The following ARHGEF28 variants were observed in gnomAD, a reference collection of about 807,000 sequenced individuals.
The protein encoded by ARHGEF28 is Rho guanine nucleotide exchange factor 28, also known as 190 kDa guanine nucleotide exchange factor.
Under a neutral mutation model 206.6 loss-of-function variants are expected in ARHGEF28, and 152 were observed. That is an observed-to-expected ratio of 0.74 (90% confidence interval 0.64 to 0.84). ARHGEF28 has a LOEUF of 0.84. ARHGEF28 is among the 40% of genes least tolerant of loss of function. ARHGEF28 has a pLI of 0.00. For missense variants in ARHGEF28, 2,028 were observed against 2,073.2 expected, an observed-to-expected ratio of 0.98 and a Z score of 0.42; for synonymous variants, 763 against 776.4, an observed-to-expected ratio of 0.98 and a Z score of 0.29.
At chr5:73,832,601 G>T (rs1355256583) in intron 10 of ARHGEF28, 142 bp downstream of exon 10, 4 of 1,195,236 alleles carry the variant, frequency 3.3e-6, no homozygotes, top group Admixed American at 2.6e-5. Context: ...GGGTCTCATT[G>T]TATGAGCATT....
At chr5:73,862,516 A>G (rs1452935582) in intron 16 of ARHGEF28, among the ~76,000 whole-genome samples, 1 of 152,088 alleles carries the variant, frequency 6.6e-6, no homozygotes, top group Non-Finnish European at 1.5e-5. Flanking sequence ...CTTTTCCTTG[A>G]TGTCTAGTTT....
At chr5:73,642,815 T>C (rs753033243) in intron 1 of ARHGEF28, among the ~76,000 whole-genome samples, 5 of 152,192 alleles carry the variant, frequency 3.3e-5, no homozygotes, top group Admixed American at 6.5e-5. Context: ...ACTATCATCA[T>C]GCTCTAATAT....
chr5:73,908,384 G>A lies in ARHGEF28; in HGVS notation c.4162-1028G>A, dbSNP rs534544676. On this transcript the variant is annotated intron_variant, in intron 33 of 35. Transcript: ENST00000513042. Reference sequence around the variant, plus strand: ...TATGGACAGTTTAAAAAATTCTTAGGAAGGAAAAATGTGAATTTATCCCTA... The same window carrying A: ...TATGGACAGTTTAAAAAATTCTTAGAAAGGAAAAATGTGAATTTATCCCTA... The A allele has an allele frequency of 1.1e-4, 17 of 152,206 alleles. No homozygotes were observed. In the East Asian group the frequency reaches 2.9e-3, roughly 26 times the overall value. 9.4% of individuals were successfully genotyped at this position (152,206 alleles called of 1,614,324 possible). A position where few individuals can be genotyped will look rare whatever the true frequency, so the allele number is the denominator to read the frequency against.
intron 1 of ARHGEF28, among the ~76,000 whole-genome samples, chr5:73,664,088 TG>T (rs1223642745): frequency 6.6e-6 from 1 of 152,236 alleles, no homozygotes; most frequent in Admixed American, 6.5e-5. Context: ...TGTCTTTTCC[TG>T]AACTCTCACA....
Position 73,940,859 on chromosome 5 carries a change from A to G in ARHGEF28, c.4964A>G (p.His1655Arg). 6.6e-7 allele frequency: 1 copy of G among 1,519,044 alleles called. No homozygotes were observed. Among genetic ancestry groups the G allele is most frequent in the Non-Finnish European group, 8.8e-7 (1 of 1,141,432 alleles). The allele number at this position is 1,519,044 out of a possible 1,614,324, so 94.1% of individuals were successfully genotyped here. Residue 1655 changes from histidine (H) to arginine (R), a missense_variant, in exon 36 of 36, where the codon CAC becomes CGC. By Grantham distance (29) the His-to-Arg change is conservative. Around this residue, in one of 3 missense-constraint regions of ARHGEF28, gnomAD observed 803 missense variants for 768.0 expected, o/e 1.05. Transcript: ENST00000513042. ...TTTCTTGCAGATTTGGACACCTCCCACACTGAGTCCCCAACCCCCCATGAC... is the reference window on the plus strand; with the variant it reads ...TTTCTTGCAGATTTGGACACCTCCCGCACTGAGTCCCCAACCCCCCATGAC... ...DSCKNDLDTSHTESPTPHDSN... is the reference protein window; with the variant it reads ...DSCKNDLDTSRTESPTPHDSN...
At chr5:73,781,583 A>G (rs977129436) in intron 7 of ARHGEF28, among the ~76,000 whole-genome samples, 4 of 152,196 alleles carry the variant, frequency 2.6e-5, no homozygotes, top group Admixed American at 2.6e-4. Flanking sequence ...GGTAATAAAC[A>G]GAAGTTTTCA....
chr5:73,678,942 G>A (rs1418207043), intron 1 of ARHGEF28, among the ~76,000 whole-genome samples: 1 of 152,198 alleles, frequency 6.6e-6, no homozygotes, highest in Non-Finnish European at 1.5e-5. Context: ...GGGCAGTGGT[G>A]CAGTGGCACG....
At chr5:73,895,696 G>A (rs918829006) in intron 29 of ARHGEF28, among the ~76,000 whole-genome samples, 6 of 152,098 alleles carry the variant, frequency 3.9e-5, no homozygotes, top group Non-Finnish European at 7.4e-5. Context: ...TAGTTTTACC[G>A]GAACTTAGCC....
intron 35 of ARHGEF28, among the ~76,000 whole-genome samples, chr5:73,926,221 T>G (rs746633107): frequency 6.6e-6 from 1 of 152,212 alleles, no homozygotes; most frequent in Non-Finnish European, 1.5e-5. Context: ...AAAAAATGAA[T>G]GCTCTGTCCA....
At chr5:73,671,814 G>C (rs1746364689) in intron 1 of ARHGEF28, among the ~76,000 whole-genome samples, 1 of 101,886 alleles carries the variant, frequency 9.8e-6, no homozygotes. Flanking sequence ...GGAGTGCAGT[G>C]GCGCGATCTC....
chr5:73,639,255 C>T (rs1178525295), intron 1 of ARHGEF28, among the ~76,000 whole-genome samples: 1 of 147,172 alleles, frequency 6.8e-6, no homozygotes, highest in East Asian at 1.9e-4. Flanking sequence ...AATATATATA[C>T]ATCCTTTTTT....
chr5:73,905,642 T>C (rs1171463913), intron 33 of ARHGEF28, among the ~76,000 whole-genome samples: 1 of 152,230 alleles, frequency 6.6e-6, no homozygotes, highest in Non-Finnish European at 1.5e-5. Flanking sequence ...ACTATTATTC[T>C]ATTGCATACT....
intron 1 of ARHGEF28, among the ~76,000 whole-genome samples, chr5:73,683,782 C>T (rs1040397106): frequency 1.3e-5 from 2 of 152,258 alleles, no homozygotes; most frequent in Non-Finnish European, 1.5e-5. Context: ...GCTATTCTGC[C>T]TCACCTGGCC....
chr5:73,716,682 C>T (rs1749610253), intron 2 of ARHGEF28, among the ~76,000 whole-genome samples: 1 of 152,148 alleles, frequency 6.6e-6, no homozygotes, highest in Non-Finnish European at 1.5e-5. Flanking sequence ...CTTCTTTAGA[C>T]TTTTTCAGAA....
intron 35 of ARHGEF28, among the ~76,000 whole-genome samples, chr5:73,934,031 G>A (rs6882329): frequency 0.034 from 5,208 of 151,454 alleles, 296 homozygotes; most frequent in African/African-American, 0.12. Flanking sequence ...TTCTGTTGCC[G>A]CCTTTAAAAA....
In ARHGEF28 at chr5:73,857,784, T is replaced by G; in HGVS notation, c.1914+5T>G. On this transcript the variant is annotated splice_donor_5th_base_variant and intron_variant, in intron 15 of 35. Transcript: ENST00000513042. ...AGCCCTCGGAATAAATCAAAGGTAA[T>G]TAAAGTGATTCACTTATTTTCTATA... is the stretch of plus-strand genomic sequence containing the variant. 6.2e-7 allele frequency: 1 copy of G among 1,609,238 alleles called. No individual in the cohort carries two copies. Among genetic ancestry groups the G allele is most frequent in the South Asian group, 1.1e-5 (1 of 89,844 alleles).
chr5:73,936,785 C>G (rs539993446), intron 35 of ARHGEF28, among the ~76,000 whole-genome samples: 1 of 152,120 alleles, frequency 6.6e-6, no homozygotes, highest in Non-Finnish European at 1.5e-5. Context: ...CCAGGCTGGT[C>G]TCAAACTCCT....
At chr5:73,637,999 T>G (rs1040863701) in intron 1 of ARHGEF28, among the ~76,000 whole-genome samples, 1 of 152,214 alleles carries the variant, frequency 6.6e-6, no homozygotes, top group Non-Finnish European at 1.5e-5. Context: ...TCTGCTCCAG[T>G]GATGTTATAG....
In ARHGEF28 at chr5:73,870,061, C is replaced by T; in HGVS notation, c.2426-8C>T. The stretch of plus-strand genomic sequence containing the variant: ...ACTTCTGGCTTTTCTTTTCTAAACA[C>T]ACATTAGATGTTGTGGATTCTTCTC... On this transcript the variant is annotated splice_region_variant and splice_polypyrimidine_tract_variant and intron_variant, in intron 20 of 35. Coordinates refer to ENST00000513042, the MANE Select transcript of ARHGEF28 (RefSeq NM_001177693.2). The T allele has an allele frequency of 6.2e-7, 1 of 1,607,662 alleles. No homozygotes were observed. Among genetic ancestry groups the T allele is most frequent in the South Asian group, 1.1e-5 (1 of 89,726 alleles).
Sources: allele counts gnomAD v4.1 joint callset (sites outside exome capture counted in the v4.1 genomes callset), GRCh38; gene constraint gnomAD v4.1.1; regional missense constraint gnomAD v4.1.1; transcripts MANE v1.5; gene names NCBI Gene and HGNC (gene_info 2026-07-23, HGNC 2026-07-21).